Variants in ANO2 observed in about 807,000 individuals in gnomAD.
ANO2 encodes anoctamin-2.
In ANO2, 101 loss-of-function variants were observed where a neutral mutation model predicts 124.2. The observed-to-expected ratio is 0.81, with a 90% CI of 0.69 to 0.96. The LOEUF is 0.96. Ranked by LOEUF, ANO2 falls within the 40% of genes least tolerant of loss-of-function variation. ANO2 has a pLI of 0.00. For synonymous variants in ANO2, 486 were observed against 482.5 expected (o/e 1.01, Z -0.09); for missense variants, 1,293 against 1,274.5 (o/e 1.01, Z -0.22).
chr12:5,850,425 A>AG (rs1013794939), intron 4 of ANO2, among the ~76,000 whole-genome samples: 1 of 151,292 alleles, frequency 6.6e-6, no homozygotes, highest in African/African-American at 2.4e-5. Context: ...CAAAAAAAAA[A>AG]AAAAAAAAGA....
intron 3 of ANO2, among the ~76,000 whole-genome samples, chr12:5,912,496 T>C (rs1205130865): frequency 6.6e-6 from 1 of 152,158 alleles, no homozygotes; most frequent in Admixed American, 6.5e-5. Context: ...GTTTTCATTA[T>C]AGAGTCTTTG....
intron 4 of ANO2, among the ~76,000 whole-genome samples, chr12:5,834,124 C>T (rs4764517): frequency 0.56 from 85,538 of 151,962 alleles, 27,277 homozygotes; most frequent in Admixed American, 0.73. Context: ...CCCCAGTCAA[C>T]ACCACATGAA....
chr12:5,578,451 G>A lies in ANO2; in HGVS notation c.2301C>T (p.Leu767=), dbSNP rs565904855. 5 of 1,613,878 alleles carry A rather than the reference G, an allele frequency of 3.1e-6. No individual in the cohort carries two copies. The highest frequency in any genetic ancestry group is 4.2e-6 in the Non-Finnish European group (5 of 1,179,894). Residue 767 remains leucine, a synonymous_variant, in exon 21 of 25, where the codon CTC becomes CTT. Transcript: ENST00000682330. Reference sequence around the variant, plus strand: ...CGAGCCGCACTTCAATGACGTTGTTGAGGAGGGCAAACACAGGTGCCAGGG... The same window carrying A: ...CGAGCCGCACTTCAATGACGTTGTTAAGGAGGGCAAACACAGGTGCCAGGG... The part of the protein sequence containing the change: ...SFPLAPVFAL[L]NNVIEVRLDA...
Position 5,915,602 on chromosome 12 carries a change from C to T in ANO2, c.534+5438G>A, listed in dbSNP as rs1468191395. On this transcript the variant is annotated intron_variant, in intron 3 of 24. Transcript: ENST00000682330. ...ACCCAGAGCCTAAAAGATTGCCCAG[C>T]TCAGAAGGGTGGGACAGCTGAGCAG... 1.1e-4 allele frequency among the ~76,000 whole-genome samples: 16 copies of T among 152,182 alleles called. 1 individual carries two copies.
chr12:5,744,448 T>G, intron 11 of ANO2, 131 bp from the exon 12 acceptor site: 2 of 989,480 alleles, frequency 2.0e-6, no homozygotes, highest in Non-Finnish European at 1.5e-6. Flanking sequence ...TAAGGAATGT[T>G]AAAGAAGTTA....
intron 20 of ANO2, among the ~76,000 whole-genome samples, chr12:5,592,551 G>A (rs759292199): frequency 8.5e-5 from 13 of 152,180 alleles, no homozygotes; most frequent in East Asian, 5.8e-4. Flanking sequence ...TGCACTGGGC[G>A]TGTGAACTTT....
At chr12:5,827,724 G>A (rs1392614873) in intron 7 of ANO2, 45 bp downstream of exon 7, 22 of 1,586,506 alleles carry the variant, frequency 1.4e-5, no homozygotes, top group Middle Eastern at 3.3e-4. Flanking sequence ...GGCGGGAGCC[G>A]CCTCAGCGCC....
At chr12:5,735,154 C>T (rs1591541692) in intron 13 of ANO2, among the ~76,000 whole-genome samples, 1 of 152,102 alleles carries the variant, frequency 6.6e-6, no homozygotes. Context: ...ATCCAGCCCC[C>T]GGGAGGGCTG....
intron 4 of ANO2, among the ~76,000 whole-genome samples, chr12:5,841,732 C>T (rs1237386612): frequency 6.6e-6 from 1 of 152,200 alleles, no homozygotes; most frequent in East Asian, 1.9e-4. Flanking sequence ...CAGACTCCTA[C>T]CCAGTGCTCA....
At chr12:5,727,698 C>T (rs1172044374) in intron 14 of ANO2, among the ~76,000 whole-genome samples, 15 of 140,038 alleles carry the variant, frequency 1.1e-4, no homozygotes, top group Admixed American at 2.3e-4. Flanking sequence ...AGTGCAGTGG[C>T]GCAGTCTCGG....
At chr12:5,924,559 G>T (rs1941988872) in intron 1 of ANO2, among the ~76,000 whole-genome samples, 1 of 152,168 alleles carries the variant, frequency 6.6e-6, no homozygotes, top group South Asian at 2.1e-4. Context: ...GAAAACTCAG[G>T]ACCCCATATC....
At chr12:5,878,726 A>G (rs1366598753) in intron 3 of ANO2, among the ~76,000 whole-genome samples, 1 of 152,204 alleles carries the variant, frequency 6.6e-6, no homozygotes, top group Non-Finnish European at 1.5e-5. Context: ...ACACTGATTT[A>G]CACAGCATTT....
chr12:5,606,266 A>G (rs1002948443), intron 19 of ANO2, among the ~76,000 whole-genome samples: 2 of 152,174 alleles, frequency 1.3e-5, no homozygotes, highest in African/African-American at 4.8e-5. Flanking sequence ...TTGGCCTTGC[A>G]TCTCATTAGA....
At chr12:5,923,905 C>CT (rs1473862341) in intron 1 of ANO2, among the ~76,000 whole-genome samples, 1 of 152,202 alleles carries the variant, frequency 6.6e-6, no homozygotes, top group Non-Finnish European at 1.5e-5. Flanking sequence ...CTTGCCAGCT[C>CT]TAAGACCTCT....
chr12:5,856,469 C>T (rs1955100040), intron 3 of ANO2: 1 of 152,182 alleles, frequency 6.6e-6, no homozygotes, highest in Admixed American at 6.5e-5. Context: ...TAACAAAGCA[C>T]ATGGCCATCC....
chr12:5,853,936 G>A (rs1591700366), intron 4 of ANO2, 107 bp downstream of exon 4: 1 of 365,978 alleles, frequency 2.7e-6, no homozygotes, highest in Non-Finnish European at 4.4e-6. Flanking sequence ...GGAAGCAAGT[G>A]TGATTTCAAT....
At chr12:5,747,338 C>T (rs1354314859) in intron 11 of ANO2, among the ~76,000 whole-genome samples, 1 of 152,134 alleles carries the variant, frequency 6.6e-6, no homozygotes, top group South Asian at 2.1e-4. Context: ...TTAGAGTATG[C>T]ATTTCTTTAG....
chr12:5,612,433 T>C (rs955773198), intron 19 of ANO2, among the ~76,000 whole-genome samples: 1 of 152,202 alleles, frequency 6.6e-6, no homozygotes, highest in African/African-American at 2.4e-5. Context: ...TTACTAGTTA[T>C]GTGTACTTAA....
intron 14 of ANO2, among the ~76,000 whole-genome samples, chr12:5,719,198 G>A (rs1051209068): frequency 8.5e-5 from 13 of 152,182 alleles, no homozygotes; most frequent in East Asian, 3.9e-4. Context: ...AACTGCCAGC[G>A]CCTTCACTTC....
Sources: allele counts gnomAD v4.1 joint callset (sites outside exome capture counted in the v4.1 genomes callset), GRCh38; gene constraint gnomAD v4.1.1; transcripts MANE v1.5; gene names NCBI Gene and HGNC (gene_info 2026-07-23, HGNC 2026-07-21).